ANO4: variants seen among roughly 807,000 people sequenced by gnomAD.
ANO4 encodes the protein anoctamin 4.
In ANO4, 69 loss-of-function variants were observed where a neutral mutation model predicts 141.9. That is an observed-to-expected ratio of 0.49 (90% CI 0.40 to 0.59). The LOEUF is 0.59. ANO4 is among the 20% of genes least tolerant of loss of function. The pLI is 0.00. For synonymous variants in ANO4, 350 were observed against 394.3 expected (o/e 0.89, Z 1.33); for missense variants, 894 against 1,162.2 (o/e 0.77, Z 3.36).
At chr12:101,085,508 A>G (rs939961996) in intron 16 of ANO4, among the ~76,000 whole-genome samples, 1 of 152,196 alleles carries the variant, frequency 6.6e-6, no homozygotes, top group Admixed American at 6.5e-5. Context: ...GAGATGATTT[A>G]AAGTATATAG....
chr12:100,942,396 A>G lies in ANO4; in HGVS notation c.317A>G (p.Lys106Arg). 6.2e-7 allele frequency: 1 copy of G among 1,613,888 alleles called. No homozygotes were observed. Among genetic ancestry groups the G allele is most frequent in the Non-Finnish European group, 8.5e-7 (1 of 1,179,928 alleles). Residue 106 changes from lysine (K) to arginine (R), a missense_variant, in exon 5 of 28, where the codon AAA becomes AGA. Transcript: ENST00000392977. The stretch of plus-strand genomic sequence containing the variant: ...GTGCAGACAGTGCCAGAAAGAAACA[A>G]ATCAAATGGACTTTACTTTCGAGAT... ...AGGETVPERN[K>R]SNGLYFRDGK...
chr12:100,944,374 T>A (rs78687786), intron 5 of ANO4, among the ~76,000 whole-genome samples: 8,571 of 151,176 alleles, frequency 0.057, 739 homozygotes, highest in African/African-American at 0.18. Flanking sequence ...TGTTGGAATT[T>A]AAAAAAAAAA....
chr12:100,991,542 A>T (rs1167214677), intron 8 of ANO4, among the ~76,000 whole-genome samples: 1 of 151,370 alleles, frequency 6.6e-6, no homozygotes, highest in Non-Finnish European at 1.5e-5. Context: ...AAAGAGAAAA[A>T]CATTGAAAGT....
chr12:100,792,990 C>A (rs1719698643), upstream of ANO4, among the ~76,000 whole-genome samples: 1 of 152,188 alleles, frequency 6.6e-6, no homozygotes, highest in African/African-American at 2.4e-5. Flanking sequence ...TCTAACTAGG[C>A]TAATTCAGAG....
rs911327394 is a variant in ANO4 at position 100,938,016 on chromosome 12, C to T, written c.161-1299C>T. On this transcript the variant is annotated intron_variant, in intron 3 of 27. Transcript: ENST00000392977. ...CGGTGATAAAAAGGTAAGATATTAA[C>T]ACGTTCTAGGAATCAGATCACCTTT... Among the ~76,000 whole-genome samples, 4 of 152,218 alleles carry T rather than the reference C, an allele frequency of 2.6e-5. No individual in the cohort carries two copies. The East Asian group carries it at 7.7e-4, about 29-fold the overall frequency.
At chr12:100,762,857 G>A (rs2032931146) in intron 3 of ANO4, among the ~76,000 whole-genome samples, 1 of 152,012 alleles carries the variant, frequency 6.6e-6, no homozygotes, top group African/African-American at 2.4e-5. Flanking sequence ...TGTTTAGTTC[G>A]CTGCTGAGTC....
intron 18 of ANO4, 41 bp downstream of exon 18, chr12:101,094,333 G>A (rs756110157): frequency 6.5e-7 from 1 of 1,532,392 alleles, no homozygotes; most frequent in East Asian, 2.3e-5. Flanking sequence ...TGTACTGTGG[G>A]CTAGAGAGTA....
intron 3 of ANO4, among the ~76,000 whole-genome samples, chr12:100,776,367 CCA>C (rs1286989001): frequency 6.6e-6 from 1 of 152,150 alleles, no homozygotes; most frequent in Non-Finnish European, 1.5e-5. Context: ...CAGACCGACC[CCA>C]GAGCTTGGAT....
At chr12:100,717,713 G>A (rs1035613120) in intron 1 of ANO4, among the ~76,000 whole-genome samples, 2 of 152,262 alleles carry the variant, frequency 1.3e-5, no homozygotes, top group African/African-American at 2.4e-5. Flanking sequence ...ATGTTCCGCG[G>A]GGTTTCGGGC....
chr12:100,950,557 G>T (rs1161511851), intron 5 of ANO4, among the ~76,000 whole-genome samples: 1 of 152,136 alleles, frequency 6.6e-6, no homozygotes, highest in Non-Finnish European at 1.5e-5. Flanking sequence ...AGTTGTTGAT[G>T]GGTGGGGCAA....
chr12:100,906,347 G>C (rs1321855652), intron 2 of ANO4, among the ~76,000 whole-genome samples: 2 of 152,110 alleles, frequency 1.3e-5, no homozygotes, highest in East Asian at 1.9e-4. Flanking sequence ...ATTCCCAGAG[G>C]GTTCAAAAAA....
exon 3 of ANO4, chr12:100,739,980 A>T (rs1593249995): frequency 1.4e-6 from 1 of 702,336 alleles, no homozygotes; most frequent in Non-Finnish European, 2.6e-6. Context: ...ATCCCTGTGT[A>T]CCACCGATCC....
In ANO4 at chr12:100,851,715, A is replaced by G. The variant is rs569764061; in HGVS notation, c.-140-49931A>G. On this transcript the variant is annotated intron_variant, in intron 1 of 27. Coordinates refer to ENST00000392977, the MANE Select transcript of ANO4 (RefSeq NM_001286615.2). Reference sequence around the variant, plus strand: ...CAGGTGGTGGGAAATGCAGAGAAGCAAAGTGAATCAAGTAGGGGGTATGTG... The same window carrying G: ...CAGGTGGTGGGAAATGCAGAGAAGCGAAGTGAATCAAGTAGGGGGTATGTG... Among the ~76,000 whole-genome samples, 51 of 152,318 alleles carry G rather than the reference A, an allele frequency of 3.3e-4. 1 individual carries two copies. The highest frequency in any genetic ancestry group is 1.2e-3 in the African/African-American group (48 of 41,568).
chr12:100,725,433 G>A (rs1017293574), intron 1 of ANO4, among the ~76,000 whole-genome samples: 17 of 141,914 alleles, frequency 1.2e-4, no homozygotes, highest in Admixed American at 3.8e-4. Context: ...TGCAAGCTCC[G>A]CCTTCCGGGT....
chr12:100,764,834 A>G (rs946772137), intron 3 of ANO4, among the ~76,000 whole-genome samples: 2 of 152,284 alleles, frequency 1.3e-5, no homozygotes, highest in East Asian at 3.9e-4. Flanking sequence ...ATGGTGTATA[A>G]TCTTTAAATG....
chr12:101,126,138 C>T (rs1004952889), intron 26 of ANO4, among the ~76,000 whole-genome samples: 2 of 152,076 alleles, frequency 1.3e-5, no homozygotes, highest in Non-Finnish European at 2.9e-5. Context: ...AATTTTGTGC[C>T]ATCCATGCAT....
intron 7 of ANO4, among the ~76,000 whole-genome samples, chr12:100,982,464 A>G (rs1225231200): frequency 6.6e-6 from 1 of 152,240 alleles, no homozygotes; most frequent in Admixed American, 6.5e-5. Context: ...TTAGGTGGGA[A>G]CACAGACATC....
chr12:100,877,237 G>A (rs2039356608), intron 1 of ANO4, among the ~76,000 whole-genome samples: 2 of 151,222 alleles, frequency 1.3e-5, no homozygotes, highest in Admixed American at 6.6e-5. Context: ...AATAATATAT[G>A]GTATATTTGA....
At chr12:101,065,273 A>G (rs2048533231) in intron 14 of ANO4, among the ~76,000 whole-genome samples, 1 of 151,624 alleles carries the variant, frequency 6.6e-6, no homozygotes, top group Admixed American at 6.6e-5. Context: ...GTTCAGTAGT[A>G]TCTGTGGCAT....
Sources: gnomAD v4.1 joint callset for allele counts (sites outside exome capture counted in the v4.1 genomes callset) on GRCh38, gnomAD v4.1.1 for gene constraint, MANE v1.5 for transcripts, NCBI Gene and HGNC (gene_info 2026-07-23, HGNC 2026-07-21) for gene names.